The following KANSL1L variants were observed in gnomAD, a reference collection of about 807,000 sequenced individuals.
KANSL1L encodes KAT8 regulatory NSL complex subunit 1 like.
Under a neutral mutation model 108.6 loss-of-function variants are expected in KANSL1L, and 25 were observed. The observed-to-expected ratio is 0.23, with a 90% CI of 0.17 to 0.32. The LOEUF is 0.32. Ranked by LOEUF, KANSL1L falls within the 10% of genes least tolerant of loss-of-function variation. The pLI is 1.00. For missense variants in KANSL1L, 1,137 were observed against 1,125.7 expected (o/e 1.01, Z -0.14); for synonymous variants, 405 against 395.1 (o/e 1.03, Z -0.30).
At chr2:210,029,635 AAAT>A (rs1401284925) in intron 10 of KANSL1L, among the ~76,000 whole-genome samples, 165 bp downstream of exon 10, 2 of 150,876 alleles carry the variant, frequency 1.3e-5, no homozygotes, top group African/African-American at 4.8e-5. Flanking sequence ...TCATAGTTAA[AAAT>A]AAGTTGTATG....
At chr2:210,103,872 T>C (rs185651762) in intron 4 of KANSL1L, 5 of 251,614 alleles carry the variant, frequency 2.0e-5, no homozygotes, top group Admixed American at 1.5e-4. Flanking sequence ...TATCATCCTA[T>C]AGCCATACCA....
At chr2:210,157,847 C>T (rs941275861) in intron 1 of KANSL1L, among the ~76,000 whole-genome samples, 8 of 150,624 alleles carry the variant, frequency 5.3e-5, no homozygotes, top group African/African-American at 1.9e-4. Flanking sequence ...CCAGGCTCTG[C>T]AAAAAAATGA....
At chr2:210,169,970 A>G (rs189005660) in intron 1 of KANSL1L, among the ~76,000 whole-genome samples, 218 of 152,354 alleles carry the variant, frequency 1.4e-3, no homozygotes, top group Middle Eastern at 3.4e-3. Flanking sequence ...GACAGAGACC[A>G]TATTATGAAA....
chr2:210,029,491 C>G (rs139508539), intron 10 of KANSL1L, among the ~76,000 whole-genome samples: 10 of 152,088 alleles, frequency 6.6e-5, no homozygotes, highest in Non-Finnish European at 1.0e-4. Context: ...AGGACAAGAA[C>G]AAGAAAGTCC....
chr2:210,124,884 C>T (rs1212836022), intron 3 of KANSL1L, among the ~76,000 whole-genome samples: 1 of 152,018 alleles, frequency 6.6e-6, no homozygotes, highest in Admixed American at 6.6e-5. Context: ...ACTATACCAA[C>T]AAATTAAATA....
intron 6 of KANSL1L, among the ~76,000 whole-genome samples, chr2:210,053,609 A>AG (rs1303149349): frequency 1.3e-5 from 2 of 152,164 alleles, no homozygotes; most frequent in African/African-American, 2.4e-5. Context: ...ACAAACAAAC[A>AG]GAAAAAAAAT....
At chr2:210,052,522 T>C (rs751816613) in intron 6 of KANSL1L, among the ~76,000 whole-genome samples, 1 of 152,194 alleles carries the variant, frequency 6.6e-6, no homozygotes, top group African/African-American at 2.4e-5. Context: ...TGTGGTTTGT[T>C]CCCTCCTCAC....
At chr2:210,121,426 A>G (rs900223593) in intron 3 of KANSL1L, among the ~76,000 whole-genome samples, 1 of 152,208 alleles carries the variant, frequency 6.6e-6, no homozygotes, top group Non-Finnish European at 1.5e-5. Context: ...GTTCTCACTT[A>G]TAAGTGGGAG....
intron 2 of KANSL1L, among the ~76,000 whole-genome samples, chr2:210,141,973 CA>C (rs1416474542): frequency 6.6e-6 from 1 of 151,282 alleles, no homozygotes; most frequent in African/African-American, 2.4e-5. Context: ...AGGATAGTGA[CA>C]AAGGACATTG....
intron 4 of KANSL1L, among the ~76,000 whole-genome samples, chr2:210,103,375 C>G (rs909629135): frequency 3.9e-5 from 6 of 152,116 alleles, no homozygotes; most frequent in African/African-American, 1.4e-4. Context: ...ATGTAAATGA[C>G]GAGTTAATGG....
intron 3 of KANSL1L, among the ~76,000 whole-genome samples, chr2:210,125,538 C>T (rs1190318094): frequency 6.6e-6 from 1 of 152,104 alleles, no homozygotes; most frequent in Non-Finnish European, 1.5e-5. Flanking sequence ...GATCAATATC[C>T]CTTGTAAATA....
At chr2:210,148,354 T>A (rs908607723) in intron 2 of KANSL1L, among the ~76,000 whole-genome samples, 2 of 152,206 alleles carry the variant, frequency 1.3e-5, no homozygotes, top group Admixed American at 6.6e-5. Flanking sequence ...ATGCTAGAAT[T>A]CTATGGCTCT....
At chr2:210,123,964 G>A (rs1336504999) in intron 3 of KANSL1L, among the ~76,000 whole-genome samples, 2 of 151,928 alleles carry the variant, frequency 1.3e-5, no homozygotes, top group African/African-American at 2.4e-5. Flanking sequence ...AATGCATCAG[G>A]CAACATTTAC....
intron 7 of KANSL1L, among the ~76,000 whole-genome samples, chr2:210,042,274 A>G (rs1161050044): frequency 3.3e-5 from 5 of 152,160 alleles, no homozygotes; most frequent in South Asian, 2.1e-4. Flanking sequence ...ATTTATTTGT[A>G]TTTATACTCC....
At chr2:210,064,220 T>C (rs1196666104) in intron 6 of KANSL1L, 1 of 152,204 alleles carries the variant, frequency 6.6e-6, no homozygotes, top group Admixed American at 6.5e-5. Context: ...GTAAGTCCAT[T>C]AAATCCTTTT....
At chr2:210,107,918 A>G (rs1007274021) in intron 3 of KANSL1L, among the ~76,000 whole-genome samples, 24 of 152,268 alleles carry the variant, frequency 1.6e-4, no homozygotes, top group African/African-American at 5.8e-4. Flanking sequence ...TAAGGCACAA[A>G]CTAGCACTTA....
At chr2:210,076,928 A>G (rs1431075826) in intron 5 of KANSL1L, among the ~76,000 whole-genome samples, 1 of 152,102 alleles carries the variant, frequency 6.6e-6, no homozygotes, top group Admixed American at 6.5e-5. Context: ...TTCAATATAT[A>G]AGTTCTAAAT....
intron 1 of KANSL1L, among the ~76,000 whole-genome samples, chr2:210,160,356 A>G (rs1174794197): frequency 6.6e-6 from 1 of 152,160 alleles, no homozygotes; most frequent in Admixed American, 6.5e-5. Flanking sequence ...GCAAGAAAAA[A>G]AAAAGAAATA....
chr2:210,080,799 T>G (rs985436559), intron 5 of KANSL1L, among the ~76,000 whole-genome samples: 2 of 151,936 alleles, frequency 1.3e-5, no homozygotes, highest in Non-Finnish European at 2.9e-5. Flanking sequence ...CAAAGTCCCT[T>G]GTCCCTTTTT....
Sources: allele counts gnomAD v4.1 joint callset (sites outside exome capture counted in the v4.1 genomes callset), GRCh38; gene constraint gnomAD v4.1.1; transcripts MANE v1.5; gene names NCBI Gene and HGNC (gene_info 2026-07-23, HGNC 2026-07-21).